Variants in ZFAND3 observed in about 807,000 individuals in gnomAD.
The protein encoded by ZFAND3 is zinc finger AN1-type containing 3, also known as AN1-type zinc finger protein 3.
ZFAND3 carries 10 observed loss-of-function variants against 29.6 expected under a neutral mutation model. The ratio of observed to expected loss-of-function variants is 0.34; its 90% CI spans 0.21 to 0.57. The LOEUF is 0.57. ZFAND3 is among the 20% of genes least tolerant of loss of function. The pLI is 0.86. For synonymous variants in ZFAND3, 128 were observed against 112.6 expected (o/e 1.14, Z -0.87); for missense variants, 230 against 304.5 (o/e 0.76, Z 1.82).
At chr6:38,127,860 C>T (rs1298254056) in intron 5 of ZFAND3, among the ~76,000 whole-genome samples, 1 of 152,158 alleles carries the variant, frequency 6.6e-6, no homozygotes, top group Non-Finnish European at 1.5e-5. Flanking sequence ...AGTGCCTGCT[C>T]CTCCCTTCCT....
At chr6:37,897,145 G>T (rs1765235384) in intron 1 of ZFAND3, among the ~76,000 whole-genome samples, 1 of 152,132 alleles carries the variant, frequency 6.6e-6, no homozygotes, top group Non-Finnish European at 1.5e-5. Flanking sequence ...AACAGCTAGA[G>T]CAAGGTAAAG....
At chr6:38,088,114 C>G (rs1206339190) in intron 4 of ZFAND3, among the ~76,000 whole-genome samples, 1 of 152,122 alleles carries the variant, frequency 6.6e-6, no homozygotes, top group African/African-American at 2.4e-5. Context: ...TGGAAGCAAC[C>G]TAAGTATCTA....
chr6:38,090,057 T>G (rs1764833430), intron 4 of ZFAND3, among the ~76,000 whole-genome samples: 2 of 152,204 alleles, frequency 1.3e-5, no homozygotes, highest in African/African-American at 2.4e-5. Context: ...TTCACCATGT[T>G]GGCCGAGCTG....
chr6:38,030,707 G>A (rs1763542949), intron 2 of ZFAND3, among the ~76,000 whole-genome samples: 1 of 151,964 alleles, frequency 6.6e-6, no homozygotes, highest in African/African-American at 2.4e-5. Flanking sequence ...ATAAAGGAAA[G>A]AAGACATTTT....
chr6:38,154,215 C>T lies in ZFAND3; in HGVS notation c.*1826C>T, dbSNP rs1369892810. ...TGAGGCAGCCCCCCATAGGCTTCCG[C>T]CAAGCTCTGGTCCCGAAGAGGCTGT... On this transcript the variant is annotated 3_prime_UTR_variant, in exon 6 of 6. Coordinates refer to ENST00000287218, the MANE Select transcript of ZFAND3 (RefSeq NM_021943.3). 1.0e-6 allele frequency: 1 copy of T among 985,440 alleles called. No individual in the cohort carries two copies. Among genetic ancestry groups the T allele is most frequent in the Non-Finnish European group, 1.2e-6 (1 of 830,040 alleles). The allele number at this position is 985,440 out of a possible 1,614,324, so 61.0% of individuals were successfully genotyped here. A position where few individuals can be genotyped will look rare whatever the true frequency, so the allele number is the denominator to read the frequency against.
At chr6:37,942,960 T>A (rs1023885305) in intron 2 of ZFAND3, among the ~76,000 whole-genome samples, 3 of 152,278 alleles carry the variant, frequency 2.0e-5, no homozygotes, top group Non-Finnish European at 2.9e-5. Flanking sequence ...AAGGGAAAGC[T>A]AGACGTAGAA....
intron 3 of ZFAND3, among the ~76,000 whole-genome samples, chr6:38,070,471 T>C (rs1437089324): frequency 6.6e-6 from 1 of 150,786 alleles, no homozygotes; most frequent in African/African-American, 2.4e-5. Flanking sequence ...GTATATATTG[T>C]TTTATAACTG....
chr6:37,928,297 A>C (rs1290442840), intron 1 of ZFAND3, among the ~76,000 whole-genome samples: 1 of 152,168 alleles, frequency 6.6e-6, no homozygotes, highest in Non-Finnish European at 1.5e-5. Flanking sequence ...AAAGAGGGCA[A>C]AAGAAGGTTG....
At position 37,861,235 on chromosome 6, in the gene ZFAND3, C is replaced by T. The variant is rs533776809; in HGVS notation, c.71+41219C>T. On this transcript the variant is annotated intron_variant, in intron 1 of 5. Coordinates refer to ENST00000287218, the MANE Select transcript of ZFAND3 (RefSeq NM_021943.3). ...TCGTGCCACTGCACTCCTGCCTGGG[C>T]GACAGAGCTAGGCTGTGTCTCAAAA... 9.2e-5 allele frequency among the ~76,000 whole-genome samples: 14 copies of T among 151,902 alleles called. No individual in the cohort carries two copies. In the East Asian group the frequency reaches 9.7e-4, roughly 11 times the overall value.
chr6:38,144,171 G>GATATATATATATATATATATATTAT (rs1315714773), intron 5 of ZFAND3, among the ~76,000 whole-genome samples: 7 of 87,312 alleles, frequency 8.0e-5, no homozygotes, highest in East Asian at 4.7e-4. Flanking sequence ...AGAAAAATGT[G>GATATATATATATATATATATATTAT]ATATATATAT....
chr6:38,104,916 G>A (rs1016446103), intron 4 of ZFAND3, among the ~76,000 whole-genome samples: 3 of 152,294 alleles, frequency 2.0e-5, no homozygotes, highest in Admixed American at 6.5e-5. Context: ...AGCAGAAGTA[G>A]CATCTTTAAG....
At chr6:37,976,049 C>G (rs147840268) in intron 2 of ZFAND3, among the ~76,000 whole-genome samples, 104 of 152,160 alleles carry the variant, frequency 6.8e-4, no homozygotes, top group African/African-American at 2.5e-3. Flanking sequence ...TTTCTCTCAG[C>G]AAAATTTCAT....
At chr6:37,836,319 C>T (rs908542780) in intron 1 of ZFAND3, among the ~76,000 whole-genome samples, 1 of 152,014 alleles carries the variant, frequency 6.6e-6, no homozygotes, top group African/African-American at 2.4e-5. Flanking sequence ...TTTTGAGACC[C>T]AGTGGTATAG....
At chr6:38,010,942 C>T (rs1278170056) in intron 2 of ZFAND3, among the ~76,000 whole-genome samples, 4 of 148,616 alleles carry the variant, frequency 2.7e-5, no homozygotes, top group South Asian at 2.1e-4. Flanking sequence ...TGAGGACTCA[C>T]TGTGTTGCAC....
intron 1 of ZFAND3, among the ~76,000 whole-genome samples, chr6:37,917,279 C>T (rs1165135305): frequency 6.6e-6 from 1 of 152,160 alleles, no homozygotes; most frequent in Non-Finnish European, 1.5e-5. Flanking sequence ...TCATTGGTCT[C>T]AGTAGCTCAC....
intron 2 of ZFAND3, among the ~76,000 whole-genome samples, chr6:38,060,496 T>TCCTCCCTTCCCCTTGCCCTGC (rs1284157044): frequency 6.6e-6 from 1 of 150,818 alleles, no homozygotes; most frequent in African/African-American, 2.4e-5. Flanking sequence ...TCCTGTCCTG[T>TCCTCCCTTCCCCTTGCCCTGC]CCTCCCTTCC....
Position 38,137,683 on chromosome 6 carries a change from G to A in ZFAND3, c.530-14552G>A, listed in dbSNP as rs984443399. ...ATGACAGTGTGATAAGGGAAAGGGG[G>A]AGCTGCAAATAGGGAAGGGGGAGGC... On this transcript the variant is annotated intron_variant, in intron 5 of 5. Transcript: ENST00000287218. Among the ~76,000 whole-genome samples the A allele has an allele frequency of 2.2e-4, 34 of 152,156 alleles. 1 individual carries two copies. Among genetic ancestry groups the A allele is most frequent in the African/African-American group, 5.3e-4 (22 of 41,418 alleles).
chr6:37,822,978 T>C (rs139280652), intron 1 of ZFAND3, among the ~76,000 whole-genome samples: 4 of 152,242 alleles, frequency 2.6e-5, no homozygotes, highest in East Asian at 1.9e-4. Context: ...CCTCATAGCA[T>C]TGTAATGCTG....
intron 1 of ZFAND3, among the ~76,000 whole-genome samples, chr6:37,923,000 C>A (rs1328703482): frequency 6.6e-6 from 1 of 152,020 alleles, no homozygotes; most frequent in African/African-American, 2.4e-5. Context: ...GCTTTTTTAC[C>A]TTATAAACTT....
Sources: allele counts gnomAD v4.1 joint callset (sites outside exome capture counted in the v4.1 genomes callset), GRCh38; gene constraint gnomAD v4.1.1; transcripts MANE v1.5; gene names NCBI Gene and HGNC (gene_info 2026-07-23, HGNC 2026-07-21).